Variants in MCF2L observed in about 807,000 individuals in gnomAD.
The protein encoded by MCF2L is guanine nucleotide exchange factor DBS.
MCF2L carries 97 observed loss-of-function variants against 153.4 expected under a neutral mutation model. That is an observed-to-expected ratio of 0.63 (90% CI 0.54 to 0.75). The LOEUF (loss-of-function observed/expected upper bound fraction) is 0.75. MCF2L is among the 30% of genes least tolerant of loss of function. The pLI is 0.00. For missense variants in MCF2L, 1,347 were observed against 1,495.2 expected, an observed-to-expected ratio of 0.90 and a Z score of 1.64; for synonymous variants, 659 against 632.2, an observed-to-expected ratio of 1.04 and a Z score of -0.64.
In MCF2L at chr13:113,070,014, G is replaced by C. The variant is rs201331494; in HGVS notation, c.882-45G>C. On this transcript the variant is annotated intron_variant, in intron 8 of 29. Coordinates refer to ENST00000535094, the MANE Select transcript of MCF2L (RefSeq NM_001112732.3). This position sits in a 1 kb window ranked among gnomAD's most constrained non-coding sequence, Gnocchi z 5.6. ...CACCCACCGCGCTCCACGTTGCATG[G>C]GGCGCCGTGGGCCACACAGACGGTC... 2.7e-5 allele frequency: 38 copies of C among 1,418,050 alleles called. No homozygotes were observed. Among genetic ancestry groups the C allele is most frequent in the South Asian group, 6.0e-5 (5 of 84,032 alleles). 87.8% of individuals were successfully genotyped at this position (1,418,050 alleles called of 1,614,324 possible).
chr13:112,906,767 A>C (rs748426032), intron 2 of MCF2L, among the ~76,000 whole-genome samples: 11 of 152,192 alleles, frequency 7.2e-5, no homozygotes, highest in Non-Finnish European at 1.6e-4. Context: ...TGCGCAGCAG[A>C]GGTGAGGTGC....
chr13:112,974,852 T>C (rs545053934), intron 1 of MCF2L, among the ~76,000 whole-genome samples: 130 of 152,358 alleles, frequency 8.5e-4, no homozygotes, highest in Non-Finnish European at 3.4e-4. Context: ...TACTGACTCA[T>C]AATTTAACCA....
At chr13:113,036,208 A>G (rs564134874) in intron 3 of MCF2L, among the ~76,000 whole-genome samples, 1 of 152,326 alleles carries the variant, frequency 6.6e-6, no homozygotes, top group African/African-American at 2.4e-5. Flanking sequence ...AGAAGCTCAC[A>G]GAGGAGTCTT....
chr13:112,963,260 T>TA (rs1566663960), intron 2 of MCF2L, among the ~76,000 whole-genome samples: 1 of 152,056 alleles, frequency 6.6e-6, no homozygotes, highest in Admixed American at 6.5e-5. Context: ...CGTGGAATCT[T>TA]AAGTTGCTTT....
chr13:112,973,539 T>G (rs2082120562), intron 1 of MCF2L, among the ~76,000 whole-genome samples: 1 of 152,212 alleles, frequency 6.6e-6, no homozygotes, highest in South Asian at 2.1e-4. Context: ...GTTGCTGACC[T>G]TCTGTGATCT....
At chr13:112,999,434 C>G (rs1189048607) in intron 1 of MCF2L, among the ~76,000 whole-genome samples, 1 of 152,072 alleles carries the variant, frequency 6.6e-6, no homozygotes, top group East Asian at 1.9e-4. Context: ...CGCTCACTCA[C>G]TGTCCCTCTG....
intron 1 of MCF2L, among the ~76,000 whole-genome samples, chr13:112,896,065 G>A (rs1437786326): frequency 1.3e-5 from 2 of 152,214 alleles, no homozygotes; most frequent in East Asian, 1.9e-4. Flanking sequence ...TTAGACGGTG[G>A]GCTTAGGAAC....
chr13:112,923,832 G>A (rs191752254), intron 2 of MCF2L, among the ~76,000 whole-genome samples: 6 of 152,256 alleles, frequency 3.9e-5, no homozygotes, highest in African/African-American at 1.2e-4. Context: ...GCATTCAGTT[G>A]TCCTGTGTTT....
At chr13:113,038,432 T>C (rs1209749397) in intron 3 of MCF2L, among the ~76,000 whole-genome samples, 2 of 141,974 alleles carry the variant, frequency 1.4e-5, no homozygotes, top group South Asian at 4.4e-4. Flanking sequence ...GCCACTGCAC[T>C]CCAGCCTGGG....
Position 112,960,638 on chromosome 13 carries a change from C to A in MCF2L, c.170-54125C>A, listed in dbSNP as rs1273628996. Among the ~76,000 whole-genome samples, 2 of 152,180 alleles carry A rather than the reference C, an allele frequency of 1.3e-5. No homozygotes were observed. Among genetic ancestry groups the A allele is most frequent in the African/African-American group, 4.8e-5 (2 of 41,438 alleles). ...TCACTGCAAACACTGGCTAACCACA[C>A]ACATTCATGGTCTATAGCTCTGGAG... On this transcript the variant is annotated intron_variant, in intron 2 of 29. Transcript: ENST00000375608. This position sits in a 1 kb window ranked among gnomAD's most constrained non-coding sequence, Gnocchi z 4.2.
At chr13:113,080,295 A>G (rs907316371) in intron 15 of MCF2L, among the ~76,000 whole-genome samples, 1 of 151,644 alleles carries the variant, frequency 6.6e-6, no homozygotes, top group Non-Finnish European at 1.5e-5. Flanking sequence ...AGGAGTGTCC[A>G]TACGGAGGAG....
chr13:113,093,656 T>G (rs568071593), intron 26 of MCF2L: 3 of 152,460 alleles, frequency 2.0e-5, no homozygotes, highest in African/African-American at 7.2e-5. Context: ...GGAACCAGTT[T>G]GTGCCCAAGC....
intron 2 of MCF2L, among the ~76,000 whole-genome samples, chr13:113,016,118 C>T (rs952492494): frequency 4.6e-5 from 7 of 152,222 alleles, no homozygotes; most frequent in African/African-American, 1.7e-4. Flanking sequence ...TTTTCTCGAT[C>T]GTTCCTCAGA....
chr13:113,030,070 AT>A (rs1390706670), intron 3 of MCF2L, among the ~76,000 whole-genome samples: 1 of 152,222 alleles, frequency 6.6e-6, no homozygotes, highest in Admixed American at 6.5e-5. Context: ...TATACTCATC[AT>A]TTTTGGAATA....
intron 2 of MCF2L, among the ~76,000 whole-genome samples, chr13:113,019,038 G>A (rs140258604): frequency 5.6e-4 from 86 of 152,246 alleles, no homozygotes; most frequent in African/African-American, 2.0e-3. Context: ...CTCTCCTCCC[G>A]GGAAGAACGC....
Position 112,943,415 on chromosome 13 carries a change from C to CGCCCAGCAG in MCF2L, c.169+41049_169+41050insGCAGGCCCA, listed in dbSNP as rs148872757. ...CCCGGCTCCGCGCCGCAGGCGTGAACGCCCAACGGAGGGCGCCGGCGCCCG... is the reference window on the plus strand; with the variant it reads ...CCCGGCTCCGCGCCGCAGGCGTGAACGCCCAGCAGGCCCAACGGAGGGCGCCGGCGCCCG... On this transcript the variant is annotated intron_variant, in intron 2 of 29. Coordinates refer to the MCF2L transcript ENST00000375608. This position sits in a 1 kb window ranked among gnomAD's most constrained non-coding sequence, Gnocchi z 4.2. 0.31 allele frequency among the ~76,000 whole-genome samples: 46,689 copies of CGCCCAGCAG among 151,514 alleles called. 7,532 individuals are homozygous for CGCCCAGCAG. The highest frequency in any genetic ancestry group is 0.39 in the African/African-American group (16,280 of 41,356).
Position 113,001,008 on chromosome 13 carries a change from G to A in MCF2L, c.80-13755G>A, listed in dbSNP as rs1001261791. On this transcript the variant is annotated intron_variant, in intron 1 of 29. Coordinates refer to ENST00000535094, the MANE Select transcript of MCF2L (RefSeq NM_001112732.3). Reference sequence around the variant, plus strand: ...GTCCCCTTAGCTCCTTGGGATTTTCGGCTCAAACTCTGGGCCTGGACAAAT... The same window carrying A: ...GTCCCCTTAGCTCCTTGGGATTTTCAGCTCAAACTCTGGGCCTGGACAAAT... Among the ~76,000 whole-genome samples, 8 of 109,988 alleles carry A rather than the reference G, an allele frequency of 7.3e-5. No individual in the cohort carries two copies. In the East Asian group the frequency reaches 8.1e-4, roughly 11 times the overall value. 72.2% of individuals were successfully genotyped at this position (109,988 alleles called of 152,430 possible).
At chr13:113,044,966 G>A (rs2086717823) in intron 3 of MCF2L, 4 of 1,557,672 alleles carry the variant, frequency 2.6e-6, no homozygotes, top group African/African-American at 1.4e-5. Context: ...CTCTTACTGT[G>A]GAATAGCAAA....
At chr13:113,034,830 G>A (rs566670340) in intron 3 of MCF2L, among the ~76,000 whole-genome samples, 128 of 152,322 alleles carry the variant, frequency 8.4e-4, no homozygotes, top group South Asian at 2.5e-3. Flanking sequence ...GTCCCCGGAG[G>A]TTAGGGGCTG....
Sources: allele counts gnomAD v4.1 joint callset (sites outside exome capture counted in the v4.1 genomes callset), GRCh38; gene constraint gnomAD v4.1.1; non-coding constraint Gnocchi (gnomAD v3.1); transcripts MANE v1.5; gene names NCBI Gene and HGNC (gene_info 2026-07-23, HGNC 2026-07-21).